The following XKR6 variants were observed in gnomAD, a reference collection of about 807,000 sequenced individuals.
XKR6 encodes the protein XK-related protein 6.
In XKR6, 22 loss-of-function variants were observed where a neutral mutation model predicts 56.7. The observed-to-expected ratio is 0.39, with a 90% confidence interval of 0.28 to 0.55. The LOEUF is 0.55. Ranked by LOEUF, XKR6 falls within the 20% of genes least tolerant of loss-of-function variation. The pLI, the probability that XKR6 is intolerant of heterozygous loss-of-function variation, is 0.66. For synonymous variants in XKR6, 524 were observed against 387.8 expected (o/e 1.35, Z -4.13); for missense variants, 852 against 889.0 (o/e 0.96, Z 0.53).
At chr8:10,914,737 G>A (rs142881682) in intron 2 of XKR6, among the ~76,000 whole-genome samples, 1 of 115,994 alleles carries the variant, frequency 8.6e-6, no homozygotes, top group Non-Finnish European at 1.9e-5. Flanking sequence ...GGAAAGTGGG[G>A]GAAATCTCAC....
At chr8:10,903,599 G>T (rs1281379671) in intron 2 of XKR6, among the ~76,000 whole-genome samples, 1 of 152,102 alleles carries the variant, frequency 6.6e-6, no homozygotes, top group Non-Finnish European at 1.5e-5. Flanking sequence ...AGGTGATTAA[G>T]GTAAAACGAG....
chr8:10,912,538 GAGAA>G (rs1800425348), intron 2 of XKR6, among the ~76,000 whole-genome samples: 4 of 143,468 alleles, frequency 2.8e-5, no homozygotes, highest in Admixed American at 1.4e-4. Context: ...AGTATATATA[GAGAA>G]AGAGAGAGGG....
chr8:11,060,067 TG>T (rs1485683314), intron 1 of XKR6, among the ~76,000 whole-genome samples: 1 of 152,180 alleles, frequency 6.6e-6, no homozygotes, highest in Non-Finnish European at 1.5e-5. Flanking sequence ...AGCATTCTGA[TG>T]TAAGTGCACT....
At chr8:11,019,600 T>A (rs1798704476) in intron 1 of XKR6, among the ~76,000 whole-genome samples, 1 of 152,102 alleles carries the variant, frequency 6.6e-6, no homozygotes, top group Non-Finnish European at 1.5e-5. Context: ...CAGGCCCAGG[T>A]CTGGGCCCCA....
chr8:11,157,990 T>C (rs1032860755), intron 1 of XKR6, among the ~76,000 whole-genome samples: 9 of 152,214 alleles, frequency 5.9e-5, no homozygotes, highest in Non-Finnish European at 8.8e-5. Context: ...GTTGAGTCAA[T>C]TGCAATTATG....
At chr8:11,157,773 C>T (rs546299037) in intron 1 of XKR6, among the ~76,000 whole-genome samples, 5 of 152,092 alleles carry the variant, frequency 3.3e-5, no homozygotes, top group South Asian at 2.1e-4. Flanking sequence ...TCTTGGCCTC[C>T]GAAAGTGCTG....
chr8:10,946,039 GCGTGGAGTTGTGAC>G (rs1020250812), intron 1 of XKR6, among the ~76,000 whole-genome samples: 1 of 151,974 alleles, frequency 6.6e-6, no homozygotes, highest in African/African-American at 2.4e-5. Context: ...GTGCTTTTCA[GCGTGGAGTTGTGAC>G]CGCTGCCATG....
intron 1 of XKR6, among the ~76,000 whole-genome samples, chr8:11,141,336 C>G (rs938418642): frequency 6.6e-6 from 1 of 152,126 alleles, no homozygotes; most frequent in Non-Finnish European, 1.5e-5. Flanking sequence ...CACTGGGAGG[C>G]AGGATCCTTG....
intron 1 of XKR6, among the ~76,000 whole-genome samples, chr8:10,960,534 C>T (rs559246853): frequency 6.6e-6 from 1 of 152,328 alleles, no homozygotes; most frequent in African/African-American, 2.4e-5. Flanking sequence ...GAAAACTCAT[C>T]GAATTTCCAC....
rs115858038 is a variant in XKR6, at chr8:10,975,773, A to G, written c.765-50943T>C. On this transcript the variant is annotated intron_variant, in intron 1 of 2. Transcript: ENST00000416569. ...AGGCCGAGTCACACTGTGTCTGCTTAGGCCTGGCCACTTCCACCACATTCT... is the reference window on the plus strand; with the variant it reads ...AGGCCGAGTCACACTGTGTCTGCTTGGGCCTGGCCACTTCCACCACATTCT... 2.5e-3 allele frequency among the ~76,000 whole-genome samples: 379 copies of G among 152,328 alleles called. 5 individuals carry two copies. The highest frequency in any genetic ancestry group is 8.8e-3 in the African/African-American group (364 of 41,580).
chr8:11,170,227 C>T (rs1027361900), intron 1 of XKR6, among the ~76,000 whole-genome samples: 17 of 152,210 alleles, frequency 1.1e-4, no homozygotes, highest in African/African-American at 3.9e-4. Context: ...CTCACATCCA[C>T]ACAAAGCCTT....
chr8:11,063,271 T>C (rs906833378), intron 1 of XKR6, among the ~76,000 whole-genome samples: 1 of 144,218 alleles, frequency 6.9e-6, no homozygotes, highest in Non-Finnish European at 1.5e-5. Context: ...ACAGAACTAA[T>C]AAAGAAAAAC....
intron 1 of XKR6, among the ~76,000 whole-genome samples, chr8:11,110,200 T>C (rs1433518290): frequency 3.9e-5 from 6 of 152,180 alleles, no homozygotes; most frequent in Admixed American, 3.3e-4. Flanking sequence ...CTTGAACTCC[T>C]GACCTCAAGT....
chr8:11,129,311 T>C (rs1463720857), intron 1 of XKR6, among the ~76,000 whole-genome samples: 1 of 152,224 alleles, frequency 6.6e-6, no homozygotes, highest in Non-Finnish European at 1.5e-5. Flanking sequence ...ATACCCCTGA[T>C]GTAAAAAGCT....
At position 11,072,055 on chromosome 8, in the gene XKR6, CTG is replaced by C. The variant is rs556494258; in HGVS notation, c.764+128519_764+128520del. Among the ~76,000 whole-genome samples, 15 of 152,354 alleles carry C rather than the reference CTG, an allele frequency of 9.8e-5. No homozygotes were observed. The East Asian group carries it at 2.9e-3, about 29-fold the overall frequency. ...GTCCAAAAGCCAGTGTGTGGGTTGA[CTG>C]TTTCCCAGAGGAGCAAGCTCTCTGT... On this transcript the variant is annotated intron_variant, in intron 1 of 2. Transcript: ENST00000416569.
intron 1 of XKR6, among the ~76,000 whole-genome samples, chr8:10,981,615 C>G (rs1266213663): frequency 1.3e-5 from 2 of 152,152 alleles, no homozygotes; most frequent in Non-Finnish European, 2.9e-5. Context: ...ATAAGCCTCC[C>G]AAATTTAGCA....
chr8:11,119,414 A>G (rs533346399), intron 1 of XKR6, among the ~76,000 whole-genome samples: 32 of 152,176 alleles, frequency 2.1e-4, no homozygotes, highest in Non-Finnish European at 4.6e-4. Flanking sequence ...TGGGGTGGTA[A>G]AGTCTCCCAT....
At chr8:11,159,603 C>A (rs543975645) in intron 1 of XKR6, among the ~76,000 whole-genome samples, 19 of 152,310 alleles carry the variant, frequency 1.2e-4, no homozygotes. Context: ...AATTGTCAGT[C>A]CCCAATCCAA....
chr8:10,941,329 C>T (rs895678524), intron 1 of XKR6, among the ~76,000 whole-genome samples: 6 of 152,314 alleles, frequency 3.9e-5, no homozygotes, highest in South Asian at 2.1e-4. Flanking sequence ...AAAGTGATAC[C>T]GCTTAGGAGC....
Sources: allele counts gnomAD v4.1 joint callset (sites outside exome capture counted in the v4.1 genomes callset), GRCh38; gene constraint gnomAD v4.1.1; transcripts MANE v1.5; gene names NCBI Gene and HGNC (gene_info 2026-07-23, HGNC 2026-07-21).